The following CSMD1 variants were observed in gnomAD, a reference collection of about 807,000 sequenced individuals.
CSMD1 encodes the protein CUB and sushi domain-containing protein 1.
CSMD1 carries 213 observed loss-of-function variants against 417.5 expected under a neutral mutation model. The ratio of observed to expected loss-of-function variants is 0.51; its 90% CI spans 0.46 to 0.57. The LOEUF is 0.57. Ranked by LOEUF, CSMD1 falls within the 20% of genes least tolerant of loss-of-function variation. The probability of loss-of-function intolerance (pLI) is 0.00; values close to 1 mark genes in which losing one functional copy is unlikely to be tolerated. For missense variants in CSMD1, 6,923 were observed against 4,529.7 expected (o/e 1.53, Z -15.17); for synonymous variants, 2,862 against 1,736.8 (o/e 1.65, Z -16.11).
At chr8:4,617,072 G>C (rs544030114) in intron 2 of CSMD1, among the ~76,000 whole-genome samples, 2 of 151,810 alleles carry the variant, frequency 1.3e-5, no homozygotes, top group South Asian at 2.1e-4. Flanking sequence ...ATAAATAATA[G>C]ATGTTAAGAC....
At chr8:3,832,719 G>C (rs1427002909) in intron 5 of CSMD1, among the ~76,000 whole-genome samples, 1 of 152,072 alleles carries the variant, frequency 6.6e-6, no homozygotes, top group Non-Finnish European at 1.5e-5. Context: ...AACAAAAATA[G>C]GACTTACACC....
At chr8:3,263,945 CT>C (rs1801260982) in intron 26 of CSMD1, among the ~76,000 whole-genome samples, 2 of 152,164 alleles carry the variant, frequency 1.3e-5, no homozygotes, top group Non-Finnish European at 2.9e-5. Flanking sequence ...AACATTTAAA[CT>C]TTGAATGCAG....
At chr8:3,841,625 T>C (rs1803139156) in intron 5 of CSMD1, among the ~76,000 whole-genome samples, 1 of 152,116 alleles carries the variant, frequency 6.6e-6, no homozygotes, top group Non-Finnish European at 1.5e-5. Context: ...ATCCTAGTTT[T>C]TCAGGTCACA....
chr8:3,790,128 G>A (rs933538780), intron 5 of CSMD1, among the ~76,000 whole-genome samples: 11 of 152,238 alleles, frequency 7.2e-5, no homozygotes, highest in East Asian at 3.9e-4. Flanking sequence ...AGTTATTTTC[G>A]AATTTAAATT....
chr8:4,060,310 A>G (rs1331487576), intron 3 of CSMD1, among the ~76,000 whole-genome samples: 2 of 152,230 alleles, frequency 1.3e-5, no homozygotes, highest in Non-Finnish European at 2.9e-5. Context: ...AATAAGAGTT[A>G]TCTATGACAA....
At chr8:4,241,296 C>A (rs1353315339) in intron 3 of CSMD1, among the ~76,000 whole-genome samples, 1 of 152,190 alleles carries the variant, frequency 6.6e-6, no homozygotes, top group Non-Finnish European at 1.5e-5. Flanking sequence ...TTCCCTTTAC[C>A]TGCTGTAACC....
At chr8:4,913,186 G>C (rs1372428419) in intron 1 of CSMD1, among the ~76,000 whole-genome samples, 1 of 152,164 alleles carries the variant, frequency 6.6e-6, no homozygotes, top group African/African-American at 2.4e-5. Context: ...GCAAAGATTA[G>C]GTTGGTGCAA....
chr8:3,540,277 T>C (rs1455996609), intron 10 of CSMD1, among the ~76,000 whole-genome samples: 2 of 152,192 alleles, frequency 1.3e-5, no homozygotes, highest in Admixed American at 6.5e-5. Flanking sequence ...ACCTCCTCAT[T>C]TGGCAAACAG....
At chr8:3,412,325 C>G (rs1014796217) in intron 12 of CSMD1, among the ~76,000 whole-genome samples, 7 of 151,804 alleles carry the variant, frequency 4.6e-5, no homozygotes, top group Admixed American at 4.6e-4. Context: ...TTTTTCATAA[C>G]CTAACCACTT....
intron 3 of CSMD1, among the ~76,000 whole-genome samples, chr8:4,083,033 G>A (rs940206738): frequency 6.6e-6 from 1 of 151,842 alleles, no homozygotes; most frequent in African/African-American, 2.4e-5. Flanking sequence ...ATTTGGGTTT[G>A]TTCCAAGTCT....
Position 4,456,958 on chromosome 8 carries a change from G to C in CSMD1, c.303-36893C>G, listed in dbSNP as rs563612057. On this transcript the variant is annotated intron_variant, in intron 2 of 69. Transcript: ENST00000635120. ...GCATGGCAATTCCTCTGATTTACAA[G>C]AGATTTTGATGAGTGTGGTTTTTTT... Among the ~76,000 whole-genome samples the C allele has an allele frequency of 1.9e-3, 255 of 137,458 alleles. 3 individuals are homozygous for C. Among genetic ancestry groups the C allele is most frequent in the African/African-American group, 6.7e-3 (250 of 37,146 alleles). 90.2% of individuals were successfully genotyped at this position (137,458 alleles called of 152,430 possible).
chr8:4,651,881 G>C (rs762545329), intron 1 of CSMD1, among the ~76,000 whole-genome samples: 7 of 152,188 alleles, frequency 4.6e-5, no homozygotes, highest in Non-Finnish European at 8.8e-5. Context: ...TGGCCTGCAA[G>C]TTAGGGAGAG....
intron 1 of CSMD1, among the ~76,000 whole-genome samples, chr8:4,894,698 C>CTGTGTG (rs1199351387): frequency 0.11 from 16,673 of 149,932 alleles, 982 homozygotes; most frequent in Middle Eastern, 0.15. Context: ...ATCTGAAAGA[C>CTGTGTG]TGTGTGTGTG....
At chr8:4,647,591 G>C (rs1382148874) in intron 1 of CSMD1, among the ~76,000 whole-genome samples, 3 of 152,148 alleles carry the variant, frequency 2.0e-5, no homozygotes, top group Non-Finnish European at 2.9e-5. Flanking sequence ...ATATGTCCTG[G>C]TGTGTGTTGT....
chr8:3,205,703 C>T, intron 30 of CSMD1, 83 bp from the exon 31 acceptor site: 3 of 552,326 alleles, frequency 5.4e-6, no homozygotes, highest in Non-Finnish European at 9.6e-6. Flanking sequence ...ACACATCAAA[C>T]ACGTGAGCAC....
At chr8:3,277,714 G>A (rs903295855) in intron 26 of CSMD1, among the ~76,000 whole-genome samples, 12 of 152,194 alleles carry the variant, frequency 7.9e-5, no homozygotes, top group African/African-American at 2.9e-4. Context: ...CAGCAAAGCA[G>A]AGACATCAAG....
chr8:4,554,835 T>C (rs1374844424), intron 2 of CSMD1, among the ~76,000 whole-genome samples: 2 of 152,102 alleles, frequency 1.3e-5, no homozygotes, highest in African/African-American at 4.8e-5. Context: ...TGAGTAAGCA[T>C]TGATGGGGTT....
chr8:3,233,659 T>A (rs529562570), intron 26 of CSMD1, among the ~76,000 whole-genome samples: 8 of 152,246 alleles, frequency 5.3e-5, no homozygotes, highest in Admixed American at 5.2e-4. Context: ...TTTATTCTCT[T>A]TTTTTTCATG....
At chr8:3,604,856 G>T (rs982228710) in intron 8 of CSMD1, among the ~76,000 whole-genome samples, 2 of 152,046 alleles carry the variant, frequency 1.3e-5, no homozygotes, top group African/African-American at 4.8e-5. Context: ...TTATCTAGGG[G>T]GCTCTAGCTA....
Sources: gnomAD v4.1 joint callset for allele counts (sites outside exome capture counted in the v4.1 genomes callset) on GRCh38, gnomAD v4.1.1 for gene constraint, MANE v1.5 for transcripts, NCBI Gene and HGNC (gene_info 2026-07-23, HGNC 2026-07-21) for gene names.